Variants in SYT10 observed in about 807,000 individuals in gnomAD.
SYT10 encodes synaptotagmin-10.
A neutral mutation model predicts 51.1 loss-of-function variants in SYT10; 31 were observed. That is an observed-to-expected ratio of 0.61 (90% CI 0.46 to 0.82). The LOEUF (loss-of-function observed/expected upper bound fraction) is 0.82. Among genes scored for constraint, SYT10 ranks in the 40% least tolerant of loss-of-function variants. The pLI is 0.00. For missense variants in SYT10, 603 were observed against 634.0 expected (o/e 0.95, Z 0.53); for synonymous variants, 233 against 225.9 (o/e 1.03, Z -0.28).
Position 33,426,237 on chromosome 12 carries a change from G to A in SYT10, c.410C>T (p.Ser137Phe). ...TTGGACTTCTGCTGGGATGTCAGGGGAAGTGTGGCTGATTTTTATTGCAGG... is the reference window on the plus strand; with the variant it reads ...TTGGACTTCTGCTGGGATGTCAGGGAAAGTGTGGCTGATTTTTATTGCAGG... ...IEPAIKISHT[S>F]PDIPAEVQTA... Residue 137 changes from serine to phenylalanine, a missense_variant, in exon 2 of 7, where the codon TCC (serine) becomes TTC (phenylalanine). Physicochemically the swap from Ser to Phe is radical, Grantham distance 155. Transcript: ENST00000228567. 2 of 1,614,160 alleles carry A rather than the reference G, an allele frequency of 1.2e-6. No homozygotes were observed. The highest frequency in any genetic ancestry group is 1.1e-5 in the South Asian group (1 of 91,078).
At chr12:33,420,677 A>G (rs1294769653) in intron 2 of SYT10, among the ~76,000 whole-genome samples, 1 of 152,142 alleles carries the variant, frequency 6.6e-6, no homozygotes, top group African/African-American at 2.4e-5. Context: ...ACAGCAAAAA[A>G]GAACCAAATC....
intron 3 of SYT10, among the ~76,000 whole-genome samples, chr12:33,404,467 C>T (rs1866334177): frequency 6.6e-6 from 1 of 152,182 alleles, no homozygotes; most frequent in South Asian, 2.1e-4. Context: ...TCTCAGCTCA[C>T]TGCGACCTCC....
chr12:33,395,641 C>T (rs1866249583), intron 3 of SYT10, among the ~76,000 whole-genome samples: 1 of 152,050 alleles, frequency 6.6e-6, no homozygotes, highest in South Asian at 2.1e-4. Flanking sequence ...ACATTGACTC[C>T]AATTGATTTT....
Position 33,393,496 on chromosome 12 carries a change from C to T in SYT10, c.1078-8205G>A, listed in dbSNP as rs182060689. ...CCCTGTAAGTATTGCTGTATATAGA[C>T]ACCCAGACTGGATGAACTTGGCTCC... is the stretch of plus-strand genomic sequence containing the variant. On this transcript the variant is annotated intron_variant, in intron 3 of 6. Coordinates refer to ENST00000228567, the MANE Select transcript of SYT10 (RefSeq NM_198992.4). Among the ~76,000 whole-genome samples the T allele has an allele frequency of 1.0e-3, 153 of 152,294 alleles. 1 individual carries two copies. The highest frequency in any genetic ancestry group is 3.4e-3 in the Middle Eastern group (1 of 294).
intron 2 of SYT10, among the ~76,000 whole-genome samples, chr12:33,412,290 T>A (rs1444945253): frequency 6.6e-6 from 1 of 152,110 alleles, no homozygotes; most frequent in South Asian, 2.1e-4. Flanking sequence ...AGTGTCCTAA[T>A]AATAGGGTAA....
rs763243494 is a variant in SYT10, at chr12:33,407,002, G to C, written c.864C>G (p.His288Gln). ...CAAATAGAGGATTTAAAGTCTTTCTGTGCACGCGGGTCTGAAATTTCTTTT... is the reference window on the plus strand; with the variant it reads ...CAAATAGAGGATTTAAAGTCTTTCTCTGCACGCGGGTCTGAAATTTCTTTT... The part of the protein sequence containing the change: ...DRKKKFQTRV[H>Q]RKTLNPLFDE... Residue 288 changes from histidine to glutamine, a missense_variant, in exon 3 of 7, where the codon CAC (histidine) becomes CAG (glutamine). Physicochemically the swap from His to Gln is conservative, Grantham distance 24. Transcript: ENST00000228567. 1 of 1,614,118 alleles carries C rather than the reference G, an allele frequency of 6.2e-7. No homozygotes were observed. The highest frequency in any genetic ancestry group is 8.5e-7 in the Non-Finnish European group (1 of 1,180,022).
chr12:33,434,860 T>C (rs112231658), intron 1 of SYT10, among the ~76,000 whole-genome samples: 2 of 152,172 alleles, frequency 1.3e-5, no homozygotes, highest in East Asian at 1.9e-4. Context: ...GAACCACAGA[T>C]TTTTCAAGGC....
chr12:33,391,644 T>A (rs1866208303), intron 3 of SYT10, among the ~76,000 whole-genome samples: 4 of 152,120 alleles, frequency 2.6e-5, no homozygotes, highest in Admixed American at 2.6e-4. Context: ...TAATAACAAT[T>A]ATGTGGAGGG....
At chr12:33,426,729 C>T (rs16921021) in intron 1 of SYT10, among the ~76,000 whole-genome samples, 20,297 of 152,044 alleles carry the variant, frequency 0.13, 1,585 homozygotes, top group African/African-American at 0.19. Flanking sequence ...AGGAAAATTA[C>T]GATGTATGCA....
intron 5 of SYT10, among the ~76,000 whole-genome samples, chr12:33,381,328 T>C (rs1334883036): frequency 6.6e-6 from 1 of 152,166 alleles, no homozygotes; most frequent in African/African-American, 2.4e-5. Flanking sequence ...AGCACATTAA[T>C]ATCTCTCAGT....
chr12:33,420,121 A>G (rs866581393), intron 2 of SYT10, among the ~76,000 whole-genome samples: 19 of 152,164 alleles, frequency 1.2e-4, no homozygotes, highest in Non-Finnish European at 1.9e-4. Context: ...ACCACTCTTG[A>G]TGACACTTCA....
intron 3 of SYT10, among the ~76,000 whole-genome samples, chr12:33,403,419 C>T (rs1866323631): frequency 6.6e-6 from 1 of 151,650 alleles, no homozygotes; most frequent in Non-Finnish European, 1.5e-5. Context: ...TTAGTAGAGA[C>T]GGGGCTTCAC....
intron 1 of SYT10, among the ~76,000 whole-genome samples, chr12:33,429,541 A>AG (rs1866580537): frequency 6.6e-6 from 1 of 152,340 alleles, no homozygotes; most frequent in South Asian, 2.1e-4. Context: ...GCTTTGGTGT[A>AG]GGGGCAAAGA....
chr12:33,404,728 T>C (rs1866336992), intron 3 of SYT10: 1 of 152,206 alleles, frequency 6.6e-6, no homozygotes, highest in African/African-American at 2.4e-5. Flanking sequence ...AAAATGTTTG[T>C]GTAAGACTAC....
chr12:33,421,436 C>A (rs144836694), intron 2 of SYT10, among the ~76,000 whole-genome samples: 2 of 152,142 alleles, frequency 1.3e-5, no homozygotes, highest in Non-Finnish European at 2.9e-5. Flanking sequence ...CTCGTCTTTA[C>A]GCCATTAATA....
rs1174758354 is a variant in SYT10, at chr12:33,376,875, A to G, written c.1527T>C (p.Asp509=). Residue 509 remains aspartate, a synonymous_variant, in exon 7 of 7, where the codon GAT becomes GAC. Coordinates refer to ENST00000228567, the MANE Select transcript of SYT10 (RefSeq NM_198992.4). Reference sequence around the variant, plus strand: ...TAGGAGAAGGGCAGGATCCTTGACTATCAAAACTGGTCGCCCGGCCAGGTA... The same window carrying G: ...TAGGAGAAGGGCAGGATCCTTGACTGTCAAAACTGGTCGCCCGGCCAGGTA... ...LELPGRATSF[D]SQGSCPSPKP... The G allele has an allele frequency of 6.2e-7, 1 of 1,614,078 alleles. No individual in the cohort carries two copies. The highest frequency in any genetic ancestry group is 8.5e-7 in the Non-Finnish European group (1 of 1,179,972).
intron 3 of SYT10, among the ~76,000 whole-genome samples, chr12:33,386,589 G>A (rs1216876389): frequency 1.3e-5 from 2 of 152,050 alleles, no homozygotes; most frequent in Non-Finnish European, 1.5e-5. Flanking sequence ...CTGCAGTGGG[G>A]TCTTCTCCCA....
intron 5 of SYT10, among the ~76,000 whole-genome samples, chr12:33,381,115 T>C (rs975130407): frequency 6.6e-6 from 1 of 152,176 alleles, no homozygotes; most frequent in Non-Finnish European, 1.5e-5. Context: ...ATAGGGGTAA[T>C]TGGCAAAGCA....
At chr12:33,383,655 C>CT (rs1866134853) in intron 4 of SYT10, among the ~76,000 whole-genome samples, 1 of 152,162 alleles carries the variant, frequency 6.6e-6, no homozygotes, top group African/African-American at 2.4e-5. Flanking sequence ...CCTAGGCCTT[C>CT]TAATGAACAG....
Sources: allele counts gnomAD v4.1 joint callset (sites outside exome capture counted in the v4.1 genomes callset), GRCh38; gene constraint gnomAD v4.1.1; transcripts MANE v1.5; gene names NCBI Gene and HGNC (gene_info 2026-07-23, HGNC 2026-07-21).